The following UBE2E3 variants were observed in gnomAD, a reference collection of about 807,000 sequenced individuals.
UBE2E3 encodes ubiquitin conjugating enzyme E2 E3.
In UBE2E3, 5 loss-of-function variants were observed where a neutral mutation model predicts 23.6. That is an observed-to-expected ratio of 0.21 (90% CI 0.11 to 0.44). UBE2E3 has a LOEUF of 0.44. Among genes scored for constraint, UBE2E3 ranks in the 20% least tolerant of loss-of-function variants. The pLI, the probability that UBE2E3 is intolerant of heterozygous loss-of-function variation, is 0.99. For synonymous variants in UBE2E3, 78 were observed against 87.5 expected (o/e 0.89, Z 0.60); for missense variants, 81 against 249.8 (o/e 0.32, Z 4.55).
intron 3 of UBE2E3, among the ~76,000 whole-genome samples, chr2:181,002,458 T>G (rs4508560): frequency 0.49 from 74,040 of 151,938 alleles, 18,721 homozygotes; most frequent in East Asian, 0.8. Flanking sequence ...TAGGAATGAT[T>G]ACGAACGAAG....
intron 3 of UBE2E3, among the ~76,000 whole-genome samples, chr2:181,022,290 AT>A (rs1685729539): frequency 4.0e-5 from 6 of 151,788 alleles, no homozygotes; most frequent in Admixed American, 3.9e-4. Flanking sequence ...TTTCAGGAAG[AT>A]TTATCAAACA....
At chr2:181,017,836 T>G (rs1458474077) in intron 3 of UBE2E3, among the ~76,000 whole-genome samples, 4 of 150,094 alleles carry the variant, frequency 2.7e-5, no homozygotes, top group African/African-American at 9.9e-5. Context: ...GATAGGGGGT[T>G]TAAGATGCTT....
intron 3 of UBE2E3, among the ~76,000 whole-genome samples, chr2:181,052,165 A>G (rs747680626): frequency 4.6e-5 from 7 of 151,858 alleles, no homozygotes; most frequent in South Asian, 2.1e-4. Flanking sequence ...CCCACATCCT[A>G]TAAGAAAATG....
chr2:181,043,860 A>AT (rs1419378715), intron 3 of UBE2E3, among the ~76,000 whole-genome samples: 2 of 152,084 alleles, frequency 1.3e-5, no homozygotes, highest in South Asian at 2.1e-4. Flanking sequence ...AAAATCTTCA[A>AT]TTTTTTTCAG....
chr2:181,002,588 A>G (rs1156842862), intron 3 of UBE2E3, among the ~76,000 whole-genome samples: 2 of 152,212 alleles, frequency 1.3e-5, no homozygotes, highest in South Asian at 2.1e-4. Context: ...AGAATTTAAA[A>G]CAAAGGAAAT....
At chr2:180,983,886 T>C in intron 2 of UBE2E3, 157 bp from the exon 3 acceptor site, 1 of 511,376 alleles carries the variant, frequency 2.0e-6, no homozygotes, top group Non-Finnish European at 3.5e-6. Flanking sequence ...GGATTTGGGT[T>C]ATGCCTCTGA....
At chr2:181,010,557 C>G (rs10206321) in intron 3 of UBE2E3, among the ~76,000 whole-genome samples, 6,459 of 152,096 alleles carry the variant, frequency 0.042, 200 homozygotes, top group African/African-American at 0.078. Context: ...TCTGTGTTCT[C>G]TAATGTAAGA....
chr2:180,992,165 T>G (rs545083918), intron 3 of UBE2E3, among the ~76,000 whole-genome samples: 1 of 152,296 alleles, frequency 6.6e-6, no homozygotes, highest in East Asian at 1.9e-4. Flanking sequence ...TGCTTAAGAG[T>G]TCTTTTCTCT....
intron 3 of UBE2E3, among the ~76,000 whole-genome samples, chr2:181,015,063 C>G (rs115814004): frequency 2.6e-5 from 4 of 152,094 alleles, no homozygotes; most frequent in African/African-American, 9.6e-5. Context: ...CAAAGAAAAA[C>G]GAAGTACAGA....
At chr2:180,987,494 T>G in intron 3 of UBE2E3, 5 of 1,325,148 alleles carry the variant, frequency 3.8e-6, no homozygotes, top group Non-Finnish European at 5.1e-6. Context: ...ATTGAATCTA[T>G]ACTGGAGATA....
chr2:181,034,619 A>G (rs1208990586), intron 3 of UBE2E3, among the ~76,000 whole-genome samples: 5 of 152,346 alleles, frequency 3.3e-5, no homozygotes, highest in Middle Eastern at 3.4e-3. Flanking sequence ...TGGCACATGT[A>G]TACATATGTA....
intron 3 of UBE2E3, among the ~76,000 whole-genome samples, chr2:181,051,662 T>G (rs1339184674): frequency 1.3e-5 from 2 of 151,862 alleles, no homozygotes; most frequent in Non-Finnish European, 2.9e-5. Flanking sequence ...ATATTAATAG[T>G]GATTGATTTT....
intron 3 of UBE2E3, among the ~76,000 whole-genome samples, chr2:181,051,234 A>G (rs1686838149): frequency 6.6e-6 from 1 of 151,844 alleles, no homozygotes; most frequent in Non-Finnish European, 1.5e-5. Context: ...TTCACTCAGC[A>G]TTATTTTTGA....
chr2:181,033,226 A>G (rs1262963176), intron 3 of UBE2E3, among the ~76,000 whole-genome samples: 5 of 152,340 alleles, frequency 3.3e-5, no homozygotes, highest in South Asian at 2.1e-4. Context: ...TGCCAAGACA[A>G]TCCTAAGCCA....
chr2:181,051,957 G>T (rs779956462), intron 3 of UBE2E3, among the ~76,000 whole-genome samples: 2 of 151,714 alleles, frequency 1.3e-5, no homozygotes, highest in Admixed American at 1.3e-4. Context: ...ATAAAATTTT[G>T]TATAGAGTCT....
chr2:181,000,378 T>C (rs1684954664), intron 3 of UBE2E3, among the ~76,000 whole-genome samples: 1 of 152,182 alleles, frequency 6.6e-6, no homozygotes, highest in Non-Finnish European at 1.5e-5. Context: ...TGGAAAACTT[T>C]GCAAATAGGC....
chr2:180,980,518 G>A (rs1459070323), upstream of UBE2E3: 1 of 148,128 alleles, frequency 6.8e-6, no homozygotes, highest in Non-Finnish European at 1.5e-5. The surrounding 1 kb of genome is among the most constrained non-coding windows in gnomAD (Gnocchi z 5.5). Context: ...GCGCCCGCCG[G>A]GCGTCGGCGG....
intron 3 of UBE2E3, among the ~76,000 whole-genome samples, chr2:181,004,912 G>A (rs1019610086): frequency 5.9e-5 from 9 of 152,162 alleles, no homozygotes; most frequent in South Asian, 2.1e-4. Flanking sequence ...AATGTCTTAC[G>A]AAGAAAATAT....
chr2:180,993,299 A>T (rs971792225), intron 3 of UBE2E3, among the ~76,000 whole-genome samples: 4 of 152,216 alleles, frequency 2.6e-5, no homozygotes, highest in Non-Finnish European at 5.9e-5. Flanking sequence ...GGTTATTCAC[A>T]ACAAATGAAG....
Sources: allele counts gnomAD v4.1 joint callset (sites outside exome capture counted in the v4.1 genomes callset), GRCh38; gene constraint gnomAD v4.1.1; non-coding constraint Gnocchi (gnomAD v3.1); transcripts MANE v1.5; gene names NCBI Gene and HGNC (gene_info 2026-07-23, HGNC 2026-07-21).